MAML2: variants seen among roughly 807,000 people sequenced by gnomAD.
MAML2 encodes the protein mastermind like transcriptional coactivator 2, also known as mastermind-like protein 2.
In MAML2, 22 loss-of-function variants were observed where a neutral mutation model predicts 96.1. That is an observed-to-expected ratio of 0.23 (90% CI 0.16 to 0.33). MAML2 has a LOEUF of 0.33. Among genes scored for constraint, MAML2 ranks in the 10% least tolerant of loss-of-function variants. MAML2 has a pLI of 1.00. For synonymous variants in MAML2, 561 were observed against 521.3 expected (o/e 1.08, Z -1.04); for missense variants, 1,367 against 1,392.4 (o/e 0.98, Z 0.29).
At chr11:96,208,862 A>G (rs150856400) in intron 1 of MAML2, among the ~76,000 whole-genome samples, 2,283 of 152,352 alleles carry the variant, frequency 0.015, 72 homozygotes, top group African/African-American at 0.052. Flanking sequence ...TGAAATAGAC[A>G]GCATAAATAA....
chr11:96,307,268 A>G (rs1863477002), intron 1 of MAML2, among the ~76,000 whole-genome samples: 1 of 152,234 alleles, frequency 6.6e-6, no homozygotes, highest in African/African-American at 2.4e-5. Context: ...GAAAGGAGAT[A>G]GCAACGGAGA....
intron 1 of MAML2, among the ~76,000 whole-genome samples, chr11:96,303,958 T>C (rs1354177461): frequency 1.3e-5 from 2 of 152,180 alleles, no homozygotes; most frequent in Admixed American, 6.5e-5. Context: ...TCACCAAATA[T>C]GTAGTGCACA....
intron 2 of MAML2, among the ~76,000 whole-genome samples, chr11:96,005,556 C>T (rs1265601752): frequency 6.6e-6 from 1 of 152,094 alleles, no homozygotes; most frequent in Non-Finnish European, 1.5e-5. Context: ...AAAGATTTTG[C>T]CTCTATAATG....
At chr11:96,091,006 C>T (rs1344860704) in intron 2 of MAML2, among the ~76,000 whole-genome samples, 1 of 152,224 alleles carries the variant, frequency 6.6e-6, no homozygotes, top group African/African-American at 2.4e-5. Context: ...TTCCTTCCTT[C>T]CAGAAAGAGT....
chr11:96,122,830 C>T (rs1257147695), intron 1 of MAML2, among the ~76,000 whole-genome samples: 3 of 152,174 alleles, frequency 2.0e-5, no homozygotes, highest in African/African-American at 7.2e-5. Flanking sequence ...ATGGCCAGGG[C>T]AGAGGAAATA....
At chr11:96,045,664 G>A (rs1260514869) in intron 2 of MAML2, among the ~76,000 whole-genome samples, 1 of 152,120 alleles carries the variant, frequency 6.6e-6, no homozygotes, top group Non-Finnish European at 1.5e-5. Context: ...TTTAAGAACA[G>A]GTCACAGAGA....
chr11:96,189,090 G>C lies in MAML2; in HGVS notation c.514-95573C>G, dbSNP rs561527194. Among the ~76,000 whole-genome samples, 8 of 149,610 alleles carry C rather than the reference G, an allele frequency of 5.3e-5. No individual in the cohort carries two copies. The East Asian group carries it at 1.6e-3, about 29-fold the overall frequency. The stretch of plus-strand genomic sequence containing the variant: ...TTTTGTTTTTTTTTTTCTATATCTG[G>C]TTCCACTCATGGAAATGACCACCTC... On this transcript the variant is annotated intron_variant, in intron 1 of 4. Transcript: ENST00000524717.
At chr11:96,269,793 G>A (rs1262723799) in intron 1 of MAML2, among the ~76,000 whole-genome samples, 1 of 144,210 alleles carries the variant, frequency 6.9e-6, no homozygotes, top group Non-Finnish European at 1.5e-5. Flanking sequence ...TTACAGGTGT[G>A]AGCCTCCATG....
intron 1 of MAML2, among the ~76,000 whole-genome samples, chr11:96,237,722 T>C (rs1862383789): frequency 1.3e-5 from 2 of 152,240 alleles, no homozygotes; most frequent in African/African-American, 4.8e-5. Context: ...TGGCTGTGGA[T>C]ACAACACATT....
intron 1 of MAML2, among the ~76,000 whole-genome samples, chr11:96,320,933 A>T (rs746523432): frequency 6.6e-6 from 1 of 152,210 alleles, no homozygotes; most frequent in Non-Finnish European, 1.5e-5. Context: ...TGTGGAATCC[A>T]CATGCTGGCC....
At chr11:96,117,640 A>T (rs1227064860) in intron 1 of MAML2, among the ~76,000 whole-genome samples, 1 of 152,174 alleles carries the variant, frequency 6.6e-6, no homozygotes, top group Non-Finnish European at 1.5e-5. Context: ...GCAAGAATGA[A>T]ATATGCAAAT....
chr11:96,181,394 C>A (rs894475381), intron 1 of MAML2, among the ~76,000 whole-genome samples: 2 of 146,406 alleles, frequency 1.4e-5, no homozygotes, highest in East Asian at 2.0e-4. Context: ...CTCTCCAGAT[C>A]GAGACTATTT....
At chr11:96,312,186 C>T (rs1172171552) in intron 1 of MAML2, among the ~76,000 whole-genome samples, 2 of 139,542 alleles carry the variant, frequency 1.4e-5, no homozygotes, top group East Asian at 4.4e-4. Context: ...GCCACCTGCA[C>T]TCCAGCCTGG....
chr11:96,239,493 TA>T lies in MAML2; in HGVS notation c.513+101889del, dbSNP rs1340484312. ...AGAATGTTCAGAGTTTGAGTTGTCC[TA>T]AAAACTGAGGCTGGAATGTGATTAT... On this transcript the variant is annotated intron_variant, in intron 1 of 4. Transcript: ENST00000524717. Among the ~76,000 whole-genome samples, 17 of 152,352 alleles carry T rather than the reference TA, an allele frequency of 1.1e-4. No homozygotes were observed. The East Asian group carries it at 3.1e-3, about 28-fold the overall frequency.
chr11:96,128,750 A>G (rs1338565445), intron 1 of MAML2, among the ~76,000 whole-genome samples: 1 of 152,228 alleles, frequency 6.6e-6, no homozygotes, highest in Non-Finnish European at 1.5e-5. Flanking sequence ...AGTTAGTGAC[A>G]TGTTTCATCA....
At chr11:96,295,937 AAC>A (rs56231526) in intron 1 of MAML2, among the ~76,000 whole-genome samples, 12,151 of 137,680 alleles carry the variant, frequency 0.088, 537 homozygotes, top group African/African-American at 0.13. Flanking sequence ...CAGAACAGTA[AAC>A]ACACACACAC....
At chr11:96,149,180 G>A (rs952650618) in intron 1 of MAML2, among the ~76,000 whole-genome samples, 5 of 152,074 alleles carry the variant, frequency 3.3e-5, no homozygotes, top group South Asian at 2.1e-4. Context: ...TTGGGAGGCC[G>A]AGGTGGGCAG....
At chr11:96,084,686 T>G (rs1288163831) in intron 2 of MAML2, among the ~76,000 whole-genome samples, 1 of 151,422 alleles carries the variant, frequency 6.6e-6, no homozygotes. Context: ...GAAGAGAGAG[T>G]ACAGCCAAGG....
rs746554827 is a variant in MAML2, at chr11:96,092,187, T to C, written c.1844A>G (p.Gln615Arg). ...QQQQQQQQQQ[Q>R]QQQQQQSSIS... ...TGAACTCTGCTGTTGCTGTTGCTGT[T>C]GCTGTTGCTGCTGCTGCTGCTGTTG... The change falls in exon 2 of 5, where the codon CAA (glutamine) becomes CGA (arginine). Residue 615 changes from glutamine to arginine, a missense_variant. Transcript: ENST00000524717. The surrounding 1 kb of genome is among the most constrained non-coding windows in gnomAD (Gnocchi z 4.1). 6.5e-7 allele frequency: 1 copy of C among 1,538,530 alleles called. No homozygotes were observed.
Sources: gnomAD v4.1 joint callset for allele counts (sites outside exome capture counted in the v4.1 genomes callset) on GRCh38, gnomAD v4.1.1 for gene constraint, Gnocchi (gnomAD v3.1) non-coding constraint, MANE v1.5 for transcripts, NCBI Gene and HGNC (gene_info 2026-07-23, HGNC 2026-07-21) for gene names.